LYN: variants seen among roughly 807,000 people sequenced by gnomAD.
LYN encodes LYN proto-oncogene, Src family tyrosine kinase.
Under a neutral mutation model 65.0 loss-of-function variants are expected in LYN, and 12 were observed. The ratio of observed to expected loss-of-function variants is 0.18; its 90% CI spans 0.12 to 0.30. The LOEUF is 0.30. Among genes scored for constraint, LYN ranks in the 10% least tolerant of loss-of-function variants. The probability of loss-of-function intolerance (pLI) is 1.00; values close to 1 mark genes in which losing one functional copy is unlikely to be tolerated. For synonymous variants in LYN, 222 were observed against 221.2 expected (o/e 1.00, Z -0.03); for missense variants, 380 against 623.2 (o/e 0.61, Z 4.16).
At chr8:55,904,113 G>A (rs1805355309) in intron 1 of LYN, among the ~76,000 whole-genome samples, 1 of 152,080 alleles carries the variant, frequency 6.6e-6, no homozygotes, top group South Asian at 2.1e-4. Context: ...GATAAACAAT[G>A]AGGTAGAATG....
intron 1 of LYN, among the ~76,000 whole-genome samples, chr8:55,914,892 A>G (rs957589973): frequency 5.9e-5 from 9 of 152,168 alleles, no homozygotes; most frequent in Non-Finnish European, 1.2e-4. Context: ...TGTGTTTCAG[A>G]TGGGATTCAG....
At chr8:55,991,309 T>C (rs1808241248) in intron 10 of LYN, among the ~76,000 whole-genome samples, 1 of 152,194 alleles carries the variant, frequency 6.6e-6, no homozygotes, top group Admixed American at 6.5e-5. Context: ...GGGTAAGACC[T>C]TACTTCTCTC....
At chr8:55,910,040 A>C (rs1805555562) in intron 1 of LYN, among the ~76,000 whole-genome samples, 1 of 147,470 alleles carries the variant, frequency 6.8e-6, no homozygotes, top group South Asian at 2.1e-4. Flanking sequence ...TAAATTCTGC[A>C]TATTAGTCCT....
chr8:55,944,412 T>C (rs1176244579), intron 2 of LYN, among the ~76,000 whole-genome samples: 1 of 152,162 alleles, frequency 6.6e-6, no homozygotes, highest in Non-Finnish European at 1.5e-5. Flanking sequence ...AAGATCTGAT[T>C]TTTCTCATAC....
At chr8:55,881,506 A>G (rs1369626546) in intron 1 of LYN, among the ~76,000 whole-genome samples, 1 of 152,148 alleles carries the variant, frequency 6.6e-6, no homozygotes. Flanking sequence ...CTCCATTCTC[A>G]TTTGGAGGTA....
intron 1 of LYN, among the ~76,000 whole-genome samples, chr8:55,890,396 G>C (rs1269248209): frequency 6.6e-6 from 1 of 152,120 alleles, no homozygotes; most frequent in South Asian, 2.1e-4. Context: ...ATCATGTCAT[G>C]TTAAAAAAGA....
chr8:55,927,259 C>T (rs1442796699), intron 1 of LYN, among the ~76,000 whole-genome samples: 3 of 152,138 alleles, frequency 2.0e-5, no homozygotes, highest in East Asian at 1.9e-4. Flanking sequence ...CCTCTATTCC[C>T]GAAACCTCTG....
intron 8 of LYN, among the ~76,000 whole-genome samples, chr8:55,954,514 G>T (rs998528654): frequency 6.6e-6 from 1 of 152,274 alleles, no homozygotes; most frequent in Non-Finnish European, 1.5e-5. Flanking sequence ...TTTTCCAGGG[G>T]ATTCTTTTCA....
intron 10 of LYN, among the ~76,000 whole-genome samples, chr8:55,982,623 C>T (rs1042801206): frequency 2.6e-5 from 4 of 152,194 alleles, no homozygotes; most frequent in African/African-American, 9.7e-5. Context: ...TCCCCGAACA[C>T]TCCTCCTTGC....
intron 1 of LYN, among the ~76,000 whole-genome samples, chr8:55,940,490 C>T (rs916708440): frequency 6.6e-6 from 1 of 152,224 alleles, no homozygotes; most frequent in Non-Finnish European, 1.5e-5. Context: ...ATTCTCCTGC[C>T]TCAGCCTCCC....
rs750361940 is a variant in LYN at position 55,969,744 on chromosome 8, A to T, written c.1001A>T (p.Asp334Val). ...KGSLLDFLKS[D>V]EGGKVLLPKL... is the part of the protein sequence containing the mutation. ...AGTTTGCTGGATTTCCTGAAGAGCG[A>T]TGAAGGTGGCAAAGTGCTGCTTCCA... is the stretch of plus-strand genomic sequence containing the variant. The change falls in exon 10 of 13, where the codon GAT becomes GTT. Residue 334 changes from aspartate (D) to valine (V), a missense_variant. This residue lies in a region of LYN where 223 missense variants were observed against 430.0 expected (regional missense o/e 0.52). Transcript: ENST00000519728. 3.1e-6 allele frequency: 5 copies of T among 1,614,074 alleles called. No individual in the cohort carries two copies. The African/African-American group carries it at 6.7e-5, about 22-fold the overall frequency.
At chr8:55,917,173 C>CT (rs1692500234) in intron 1 of LYN, among the ~76,000 whole-genome samples, 1 of 142,692 alleles carries the variant, frequency 7.0e-6, no homozygotes, top group Admixed American at 7.0e-5. Flanking sequence ...GAGATTCTGT[C>CT]TAAAAAAAAA....
chr8:55,963,851 T>A (rs1807361268), intron 8 of LYN, among the ~76,000 whole-genome samples: 1 of 152,240 alleles, frequency 6.6e-6, no homozygotes, highest in African/African-American at 2.4e-5. Flanking sequence ...CTATTTTATA[T>A]CATGTATTTT....
chr8:55,880,027 G>T lies in LYN; in HGVS notation c.-82G>T, dbSNP rs1050855. ...CCTCCCCATACGCAGGTCCTGCTGG[G>T]CCGCCCCGTCGCGCCCCCCACTCTG... On this transcript the variant is annotated 5_prime_UTR_variant, in exon 1 of 13. Transcript: ENST00000519728. 1 of 310,242 alleles carries T rather than the reference G, an allele frequency of 3.2e-6. No homozygotes were observed. The highest frequency in any genetic ancestry group is 6.6e-6 in the Non-Finnish European group (1 of 152,140). 19.2% of individuals were successfully genotyped at this position (310,242 alleles called of 1,614,324 possible).
chr8:55,994,714 C>A (rs189749844), intron 10 of LYN, among the ~76,000 whole-genome samples: 5 of 152,256 alleles, frequency 3.3e-5, no homozygotes, highest in African/African-American at 1.2e-4. Flanking sequence ...GCTTTGGCTT[C>A]TTTGGGTTCT....
At chr8:55,902,322 T>TCTTA (rs1805288763) in intron 1 of LYN, among the ~76,000 whole-genome samples, 1 of 51,406 alleles carries the variant, frequency 1.9e-5, no homozygotes, top group African/African-American at 7.4e-5. Context: ...CAGTGTACTT[T>TCTTA]CTTTCTTTCT....
At chr8:55,911,172 CGTATATAT>C (rs1805610579) in intron 1 of LYN, among the ~76,000 whole-genome samples, 1 of 18,180 alleles carries the variant, frequency 5.5e-5, no homozygotes, top group Non-Finnish European at 1.3e-4. Flanking sequence ...TATATATACA[CGTATATAT>C]ATATATATAC....
chr8:55,998,206 C>G, intron 10 of LYN, 140 bp from the exon 11 acceptor site: 2 of 566,298 alleles, frequency 3.5e-6, no homozygotes, highest in East Asian at 5.6e-5. Context: ...TTGCCATTAC[C>G]CACTGTCTTT....
At chr8:55,997,159 CAAA>C (rs11412762) in intron 10 of LYN, among the ~76,000 whole-genome samples, 8 of 100,448 alleles carry the variant, frequency 8.0e-5, no homozygotes, top group African/African-American at 1.0e-4. Context: ...GAGACTGTCT[CAAA>C]AAAAAAAAAA....
Sources: allele counts gnomAD v4.1 joint callset (sites outside exome capture counted in the v4.1 genomes callset), GRCh38; gene constraint gnomAD v4.1.1; regional missense constraint gnomAD v4.1.1; transcripts MANE v1.5; gene names NCBI Gene and HGNC (gene_info 2026-07-23, HGNC 2026-07-21).